Variants in MARCHF11 observed in about 807,000 individuals in gnomAD.
MARCHF11 encodes E3 ubiquitin-protein ligase MARCHF11.
In MARCHF11, 29 loss-of-function variants were observed where a neutral mutation model predicts 37.3. The ratio of observed to expected loss-of-function variants is 0.78; its 90% CI spans 0.58 to 1.06. MARCHF11 has a LOEUF of 1.06. MARCHF11 is among the 50% of genes least tolerant of loss of function. MARCHF11 has a pLI of 0.00. For missense variants in MARCHF11, 482 were observed against 533.4 expected (o/e 0.90, Z 0.95); for synonymous variants, 233 against 228.0 (o/e 1.02, Z -0.20).
chr5:16,078,198 T>C (rs1736550878), intron 3 of MARCHF11, among the ~76,000 whole-genome samples: 1 of 152,164 alleles, frequency 6.6e-6, no homozygotes, highest in African/African-American at 2.4e-5. Flanking sequence ...TGGGTTCTTA[T>C]TTTGGGTCCT....
At chr5:16,178,996 C>G in intron 1 of MARCHF11, 43 bp downstream of exon 1, 1 of 1,386,152 alleles carries the variant, frequency 7.2e-7, no homozygotes, top group Non-Finnish European at 9.3e-7. Flanking sequence ...CCGGCGCGAG[C>G]TGGAGCCGCC....
chr5:16,111,932 G>C (rs775143692), intron 2 of MARCHF11, among the ~76,000 whole-genome samples: 3 of 152,194 alleles, frequency 2.0e-5, no homozygotes, highest in Non-Finnish European at 4.4e-5. Context: ...TGGCTTCAGA[G>C]GGTGCAAGCC....
intron 2 of MARCHF11, among the ~76,000 whole-genome samples, chr5:16,110,881 G>A (rs1193470588): frequency 1.3e-5 from 2 of 152,182 alleles, no homozygotes; most frequent in East Asian, 1.9e-4. Context: ...TGTTGTGGGA[G>A]GGACCAGGTG....
chr5:16,119,103 C>T (rs1737269044), intron 2 of MARCHF11, among the ~76,000 whole-genome samples: 1 of 151,802 alleles, frequency 6.6e-6, no homozygotes, highest in Admixed American at 6.6e-5. Context: ...TGGCTAATGC[C>T]TGTAATCCCA....
intron 3 of MARCHF11, among the ~76,000 whole-genome samples, chr5:16,072,762 G>C (rs1736460568): frequency 6.6e-6 from 1 of 152,086 alleles, no homozygotes; most frequent in Admixed American, 6.6e-5. Flanking sequence ...GCATTTCCTG[G>C]GAGGGCTGGG....
At chr5:16,140,566 T>C (rs769982470) in intron 2 of MARCHF11, among the ~76,000 whole-genome samples, 2 of 152,168 alleles carry the variant, frequency 1.3e-5, no homozygotes, top group Non-Finnish European at 2.9e-5. Flanking sequence ...CTATTTACAA[T>C]ACATATGGAA....
intron 2 of MARCHF11, among the ~76,000 whole-genome samples, chr5:16,120,060 G>A (rs573546771): frequency 6.6e-5 from 10 of 152,298 alleles, no homozygotes; most frequent in South Asian, 2.1e-4. Context: ...GGAACAGCCC[G>A]GAGCCAGAGG....
intron 2 of MARCHF11, among the ~76,000 whole-genome samples, chr5:16,112,620 G>C (rs1190636967): frequency 6.6e-6 from 1 of 152,150 alleles, no homozygotes; most frequent in Non-Finnish European, 1.5e-5. Flanking sequence ...TTGAACTGTG[G>C]ACTTTTGATT....
intron 2 of MARCHF11, among the ~76,000 whole-genome samples, chr5:16,122,071 G>A (rs866356214): frequency 2.6e-5 from 4 of 152,120 alleles, no homozygotes; most frequent in Non-Finnish European, 5.9e-5. Flanking sequence ...AAAAGCAGTA[G>A]GGTTGGATTT....
intron 2 of MARCHF11, among the ~76,000 whole-genome samples, chr5:16,122,804 T>G (rs555947937): frequency 6.6e-6 from 1 of 152,090 alleles, no homozygotes; most frequent in Non-Finnish European, 1.5e-5. Context: ...AAGCACATCA[T>G]CAAAGGAGAG....
intron 2 of MARCHF11, among the ~76,000 whole-genome samples, chr5:16,165,893 C>G (rs558651124): frequency 3.5e-4 from 53 of 152,168 alleles, no homozygotes; most frequent in African/African-American, 1.2e-3. Context: ...GAATTGAGCT[C>G]TACCTCCTGG....
chr5:16,177,666 C>T, intron 2 of MARCHF11, 60 bp downstream of exon 2: 2 of 1,437,036 alleles, frequency 1.4e-6, no homozygotes, highest in South Asian at 2.9e-5. Context: ...AATAACTAAG[C>T]TTAAGTGCAT....
intron 2 of MARCHF11, among the ~76,000 whole-genome samples, chr5:16,121,295 T>A (rs970876954): frequency 1.3e-5 from 2 of 152,244 alleles, no homozygotes; most frequent in African/African-American, 4.8e-5. Flanking sequence ...TGACGTACTA[T>A]ATTTACTATT....
chr5:16,157,530 A>G (rs528484962), intron 2 of MARCHF11, among the ~76,000 whole-genome samples: 1 of 152,002 alleles, frequency 6.6e-6, no homozygotes, highest in Non-Finnish European at 1.5e-5. Flanking sequence ...GAGCCCAGAA[A>G]TGATACGTCC....
intron 3 of MARCHF11, among the ~76,000 whole-genome samples, chr5:16,086,385 T>C (rs925051996): frequency 2.0e-5 from 3 of 152,178 alleles, no homozygotes; most frequent in South Asian, 2.1e-4. Flanking sequence ...TTTATAGATT[T>C]CACAATTATA....
chr5:16,172,942 G>A (rs1738294751), intron 2 of MARCHF11, among the ~76,000 whole-genome samples: 1 of 152,104 alleles, frequency 6.6e-6, no homozygotes, highest in Admixed American at 6.6e-5. Flanking sequence ...TTAAGAACAT[G>A]GATAAAAATC....
rs745752004 is a variant in MARCHF11, at chr5:16,067,629, G to A, written c.1051C>T (p.Leu351=). The change falls in exon 4 of 4, where the codon CTG becomes TTG. Residue 351 remains leucine, a synonymous_variant. Transcript: ENST00000332432. ...GGGTGGACCAAGTTTCTGTTCCGCA[G>A]AGCTGTCAATGGCAACCACAAAGTC... ...SRTLWLPLTA[L]RNRNLVHPTQ... is the part of the protein sequence containing the mutation. The A allele has an allele frequency of 1.2e-6, 2 of 1,613,978 alleles. No individual in the cohort carries two copies. Among genetic ancestry groups the A allele is most frequent in the Non-Finnish European group, 1.7e-6 (2 of 1,179,864 alleles).
chr5:16,110,734 T>C (rs558243037), intron 2 of MARCHF11, among the ~76,000 whole-genome samples: 3 of 152,328 alleles, frequency 2.0e-5, no homozygotes, highest in South Asian at 4.1e-4. Flanking sequence ...ATATTTCTAA[T>C]ATCCAGCCTC....
chr5:16,070,588 G>T (rs764951), intron 3 of MARCHF11, among the ~76,000 whole-genome samples: 1 of 152,148 alleles, frequency 6.6e-6, no homozygotes, highest in African/African-American at 2.4e-5. Flanking sequence ...TGCAAGGCCA[G>T]AAATCAGATC....
Sources: allele counts gnomAD v4.1 joint callset (sites outside exome capture counted in the v4.1 genomes callset), GRCh38; gene constraint gnomAD v4.1.1; transcripts MANE v1.5; gene names NCBI Gene and HGNC (gene_info 2026-07-23, HGNC 2026-07-21).